POLR1D: variants seen among roughly 807,000 people sequenced by gnomAD.
POLR1D encodes RNA polymerase I and III subunit D.
In POLR1D, 8 loss-of-function variants were observed where a neutral mutation model predicts 10.8. The observed-to-expected ratio is 0.74, with a 90% CI of 0.43 to 1.33. The LOEUF (loss-of-function observed/expected upper bound fraction) is 1.33, where lower values mean the gene tolerates loss of function less well. Among genes scored for constraint, POLR1D ranks in the 40% most tolerant of loss-of-function variants. The pLI is 0.01. For synonymous variants in POLR1D, 54 were observed against 57.2 expected, an observed-to-expected ratio of 0.94 and a Z score of 0.25; for missense variants, 152 against 161.7, an observed-to-expected ratio of 0.94 and a Z score of 0.32.
chr13:27,641,648 T>C, intron 1 of POLR1D, among the ~76,000 whole-genome samples: 1 of 152,244 alleles, frequency 6.6e-6, no homozygotes, highest in East Asian at 1.9e-4. Flanking sequence ...TTATAACTTT[T>C]ACATGTTTGG....
Position 27,648,366 on chromosome 13 carries a change from T to C in POLR1D, c.27-13T>C, listed in dbSNP as rs201290529. 239 of 1,578,514 alleles carry C rather than the reference T, an allele frequency of 1.5e-4. 1 individual carries two copies. The East Asian group carries it at 3.3e-3, about 22-fold the overall frequency. ...GGTGACTGCCTCTCAAATCTTTTCC[T>C]TTTTCTTATCAGGAAAGCAATAGAA... On this transcript the variant is annotated splice_polypyrimidine_tract_variant and intron_variant, in intron 1 of 2. Transcript: ENST00000399697.
At chr13:27,654,716 G>A (rs1203773642) in intron 2 of POLR1D, among the ~76,000 whole-genome samples, 1 of 152,156 alleles carries the variant, frequency 6.6e-6, no homozygotes, top group Non-Finnish European at 1.5e-5. Flanking sequence ...ATGCTCAAGG[G>A]TAAAAATTTA....
downstream of POLR1D, among the ~76,000 whole-genome samples, chr13:27,625,533 G>T (rs1956000055): frequency 6.6e-6 from 1 of 152,100 alleles, no homozygotes; most frequent in Non-Finnish European, 1.5e-5. Flanking sequence ...TGGAAAAGAT[G>T]ATAGGAGTCA....
intron 2 of POLR1D, among the ~76,000 whole-genome samples, chr13:27,648,758 T>C (rs1956242783): frequency 6.6e-6 from 1 of 152,212 alleles, no homozygotes; most frequent in African/African-American, 2.4e-5. Context: ...AAGAGTAATA[T>C]TATGTTGGTG....
At chr13:27,626,925 T>C (rs1956016188), downstream of POLR1D, among the ~76,000 whole-genome samples, 1 of 152,218 alleles carries the variant, frequency 6.6e-6, no homozygotes, top group Admixed American at 6.5e-5. Flanking sequence ...TACAAAGTGG[T>C]CTCTTCAGTA....
chr13:27,662,583 A>C (rs1004676658), intron 2 of POLR1D, among the ~76,000 whole-genome samples: 2 of 152,222 alleles, frequency 1.3e-5, no homozygotes, highest in Non-Finnish European at 2.9e-5. Context: ...TGTAGGTAAC[A>C]TTTGTTGCAG....
intron 1 of POLR1D, among the ~76,000 whole-genome samples, chr13:27,629,269 C>G (rs1477556628): frequency 6.6e-6 from 1 of 152,176 alleles, no homozygotes; most frequent in Non-Finnish European, 1.5e-5. Flanking sequence ...GATCCTGGCT[C>G]TAGACGTTAG....
intron 1 of POLR1D, among the ~76,000 whole-genome samples, chr13:27,638,144 G>A (rs1232009942): frequency 6.6e-6 from 1 of 152,158 alleles, no homozygotes; most frequent in South Asian, 2.1e-4. Context: ...CCCACAGCAG[G>A]AGGGAAGCAC....
At chr13:27,635,717 T>G (rs373049055) in intron 1 of POLR1D, among the ~76,000 whole-genome samples, 2 of 136,142 alleles carry the variant, frequency 1.5e-5, no homozygotes, top group African/African-American at 2.7e-5. Flanking sequence ...TATATATATA[T>G]ATATATATAC....
chr13:27,660,057 A>T (rs1593294440), intron 2 of POLR1D, among the ~76,000 whole-genome samples: 1 of 152,188 alleles, frequency 6.6e-6, no homozygotes, highest in African/African-American at 2.4e-5. Flanking sequence ...GTACACAGTA[A>T]TTAAGGGTTA....
intron 1 of POLR1D, among the ~76,000 whole-genome samples, chr13:27,636,805 T>C (rs1322886698): frequency 6.6e-6 from 1 of 152,198 alleles, no homozygotes; most frequent in Admixed American, 6.5e-5. Context: ...AGTTCTAAAC[T>C]CTTTGTTAGC....
At chr13:27,637,708 T>C (rs1956138321) in intron 1 of POLR1D, among the ~76,000 whole-genome samples, 1 of 152,170 alleles carries the variant, frequency 6.6e-6, no homozygotes, top group Non-Finnish European at 1.5e-5. Context: ...TTCATTGCCG[T>C]ATAAATTGGC....
At chr13:27,628,292 T>C (rs758989793), downstream of POLR1D, among the ~76,000 whole-genome samples, 57 of 152,222 alleles carry the variant, frequency 3.7e-4, no homozygotes, top group Non-Finnish European at 7.2e-4. Flanking sequence ...TCTGTAAATA[T>C]TGAGCACATA....
chr13:27,626,708 A>G (rs1264551186), downstream of POLR1D, among the ~76,000 whole-genome samples: 1 of 152,264 alleles, frequency 6.6e-6, no homozygotes, highest in Non-Finnish European at 1.5e-5. Flanking sequence ...GCTGTAAAGT[A>G]CTGTGACTTT....
downstream of POLR1D, among the ~76,000 whole-genome samples, chr13:27,625,720 C>T (rs1023114626): frequency 1.3e-5 from 2 of 150,824 alleles, no homozygotes; most frequent in African/African-American, 4.9e-5. Flanking sequence ...TAGGCAACTT[C>T]AGTATTTAAA....
At chr13:27,665,214 G>A (rs1956403577) in intron 2 of POLR1D, 1 of 160,342 alleles carries the variant, frequency 6.2e-6, no homozygotes, top group Non-Finnish European at 1.4e-5. Flanking sequence ...TTATTCTATA[G>A]TAGATCCTTT....
At chr13:27,665,956 C>T in exon 3 of POLR1D, 1 of 1,613,864 alleles carries the variant, frequency 6.2e-7, no homozygotes, top group Non-Finnish European at 8.5e-7. Context: ...GGCGGTGAGG[C>T]TGGAACCAGG....
rs973380266 is a variant in POLR1D at position 27,653,652 on chromosome 13, A to G, written c.101+5199A>G. On this transcript the variant is annotated intron_variant, in intron 2 of 2. Transcript: ENST00000399697. ...GCTTTTGTTTATGTGGGTTATATCT[A>G]TCAATACCAATGTTTAAAATTAAAG... Among the ~76,000 whole-genome samples the G allele has an allele frequency of 6.6e-5, 10 of 152,352 alleles. No individual in the cohort carries two copies. The South Asian group carries it at 1.7e-3, about 25-fold the overall frequency.
chr13:27,647,517 C>G (rs1481823827), intron 1 of POLR1D, among the ~76,000 whole-genome samples: 1 of 152,092 alleles, frequency 6.6e-6, no homozygotes, highest in Non-Finnish European at 1.5e-5. Context: ...GCCACCACAC[C>G]TAGCCGTCTC....
Sources: allele counts gnomAD v4.1 joint callset (sites outside exome capture counted in the v4.1 genomes callset), GRCh38; gene constraint gnomAD v4.1.1; transcripts MANE v1.5; gene names NCBI Gene and HGNC (gene_info 2026-07-23, HGNC 2026-07-21).